FTCDNL1: variants seen among roughly 807,000 people sequenced by gnomAD.
The protein encoded by FTCDNL1 is formiminotransferase N-terminal subdomain-containing protein.
FTCDNL1 carries 11 observed loss-of-function variants against 5.9 expected under a neutral mutation model. The ratio of observed to expected loss-of-function variants is 1.87; its 90% confidence interval spans 1.18 to 3.10. The LOEUF (loss-of-function observed/expected upper bound fraction) is 3.10, where lower values mean the gene tolerates loss of function less well. Ranked by LOEUF, FTCDNL1 falls within the 30% of genes most tolerant of loss-of-function variation. The pLI is 0.00. For synonymous variants in FTCDNL1, 58 were observed against 24.8 expected (o/e 2.34, Z -3.99); for missense variants, 115 against 65.5 (o/e 1.76, Z -2.61).
chr2:199,702,086 T>C, the FTCDNL1 span, among the ~76,000 whole-genome samples: 1 of 151,896 alleles, frequency 6.6e-6, no homozygotes, highest in Admixed American at 6.6e-5. Context: ...GAGCTAAACA[T>C]TGAGTACATA....
At chr2:199,759,274 T>C (rs1698179094), downstream of FTCDNL1, among the ~76,000 whole-genome samples, 3 of 151,692 alleles carry the variant, frequency 2.0e-5, no homozygotes, top group African/African-American at 7.3e-5. Context: ...AGGAAAACTA[T>C]GGCTTTTTCC....
At chr2:199,848,640 C>T (rs1432403624) in intron 2 of FTCDNL1, among the ~76,000 whole-genome samples, 1 of 152,170 alleles carries the variant, frequency 6.6e-6, no homozygotes, top group Non-Finnish European at 1.5e-5. Flanking sequence ...CGTATGCAGA[C>T]ATTTGGAAAA....
the FTCDNL1 span, among the ~76,000 whole-genome samples, chr2:199,741,296 GA>G: frequency 6.6e-6 from 1 of 151,780 alleles, no homozygotes; most frequent in Non-Finnish European, 1.5e-5. Context: ...CAAAACAAAA[GA>G]AAAAACAAAA....
intron 3 of FTCDNL1, among the ~76,000 whole-genome samples, chr2:199,801,270 C>T (rs1466377295): frequency 6.6e-6 from 1 of 152,210 alleles, no homozygotes; most frequent in African/African-American, 2.4e-5. Context: ...CACAACTCAA[C>T]TTCTCCTTTA....
At chr2:199,772,079 A>G (rs1173724666) in intron 3 of FTCDNL1, among the ~76,000 whole-genome samples, 1 of 152,186 alleles carries the variant, frequency 6.6e-6, no homozygotes, top group Non-Finnish European at 1.5e-5. Flanking sequence ...GGGTTTCTTA[A>G]ACACAAACAC....
intron 3 of FTCDNL1, among the ~76,000 whole-genome samples, chr2:199,832,515 G>A (rs1559233841): frequency 6.6e-6 from 1 of 152,166 alleles, no homozygotes; most frequent in Non-Finnish European, 1.5e-5. Context: ...TGCAAATGAA[G>A]AACTGATGAA....
At position 199,764,345 on chromosome 2, in the gene FTCDNL1, G is replaced by T. The variant is rs13421915; in HGVS notation, c.212-3510C>A. ...AAAACTTGAGGCAGAGAAAAGTGAA[G>T]TAACCTGCCCAAAATCATGCAGATG... is the stretch of plus-strand genomic sequence containing the variant. On this transcript the variant is annotated intron_variant, in intron 3 of 3. Transcript: ENST00000416668. 6.2e-3 allele frequency among the ~76,000 whole-genome samples: 945 copies of T among 152,300 alleles called. 10 individuals are homozygous for T. The highest frequency in any genetic ancestry group is 0.021 in the African/African-American group (887 of 41,576).
the FTCDNL1 span, among the ~76,000 whole-genome samples, chr2:199,673,327 C>CAAAAAAAAAAA: frequency 5.7e-5 from 4 of 69,762 alleles, no homozygotes; most frequent in African/African-American, 2.4e-4. Context: ...GACTCTGTCT[C>CAAAAAAAAAAA]AAAAAAAAAA....
At chr2:199,745,721 C>T in the FTCDNL1 span, among the ~76,000 whole-genome samples, 3 of 152,196 alleles carry the variant, frequency 2.0e-5, no homozygotes, top group African/African-American at 7.2e-5. Context: ...CCCTTCTTGG[C>T]TGATTTCTTA....
intron 3 of FTCDNL1, among the ~76,000 whole-genome samples, chr2:199,796,403 G>A (rs1700171582): frequency 6.6e-6 from 1 of 152,084 alleles, no homozygotes; most frequent in Admixed American, 6.6e-5. Flanking sequence ...ATCCTCAACT[G>A]AAGCATATTT....
intron 3 of FTCDNL1, among the ~76,000 whole-genome samples, chr2:199,824,685 T>G (rs1701910788): frequency 6.6e-6 from 1 of 152,168 alleles, no homozygotes; most frequent in South Asian, 2.1e-4. Flanking sequence ...AATACTGTTG[T>G]GTCTCAGTAA....
At chr2:199,691,735 T>C in the FTCDNL1 span, among the ~76,000 whole-genome samples, 1 of 152,202 alleles carries the variant, frequency 6.6e-6, no homozygotes, top group African/African-American at 2.4e-5. Flanking sequence ...CGGTCAATCA[T>C]TATCATGGTA....
At chr2:199,823,688 T>C (rs1160860792) in intron 3 of FTCDNL1, among the ~76,000 whole-genome samples, 1 of 152,194 alleles carries the variant, frequency 6.6e-6, no homozygotes, top group East Asian at 1.9e-4. Flanking sequence ...CAGTAAACCA[T>C]GCTGTAAACA....
intron 3 of FTCDNL1, among the ~76,000 whole-genome samples, chr2:199,842,038 T>A (rs2076602241): frequency 6.6e-6 from 1 of 151,844 alleles, no homozygotes; most frequent in Admixed American, 6.6e-5. Flanking sequence ...GCCGGCAGAT[T>A]GCTTGAGGTC....
At chr2:199,736,057 T>G in the FTCDNL1 span, among the ~76,000 whole-genome samples, 1 of 152,204 alleles carries the variant, frequency 6.6e-6, no homozygotes, top group Non-Finnish European at 1.5e-5. Flanking sequence ...GCTTTGTGAC[T>G]ATTGGGAAGT....
At chr2:199,774,873 C>G (rs1698983515) in intron 3 of FTCDNL1, among the ~76,000 whole-genome samples, 1 of 152,186 alleles carries the variant, frequency 6.6e-6, no homozygotes, top group Non-Finnish European at 1.5e-5. Flanking sequence ...CAAAGTCATT[C>G]ACTGTCTTTC....
chr2:199,833,949 A>G (rs1439436320), intron 3 of FTCDNL1, among the ~76,000 whole-genome samples: 1 of 152,182 alleles, frequency 6.6e-6, no homozygotes, highest in Non-Finnish European at 1.5e-5. Flanking sequence ...TTTCTTCCAC[A>G]TGGAGAGAGC....
chr2:199,693,513 G>A, the FTCDNL1 span, among the ~76,000 whole-genome samples: 2 of 152,174 alleles, frequency 1.3e-5, no homozygotes, highest in South Asian at 4.1e-4. Flanking sequence ...AAAGTGCTGT[G>A]AGAGACTTGG....
the FTCDNL1 span, among the ~76,000 whole-genome samples, chr2:199,731,075 CA>C: frequency 6.6e-6 from 1 of 152,196 alleles, no homozygotes; most frequent in Non-Finnish European, 1.5e-5. Flanking sequence ...CTATCATTCT[CA>C]GCAAACTAAC....
Sources: gnomAD v4.1 joint callset for allele counts (sites outside exome capture counted in the v4.1 genomes callset) on GRCh38, gnomAD v4.1.1 for gene constraint, MANE v1.5 for transcripts, NCBI Gene and HGNC (gene_info 2026-07-23, HGNC 2026-07-21) for gene names.